Variants in DNAJC15 observed in about 807,000 individuals in gnomAD.
The protein encoded by DNAJC15 is dnaJ homolog subfamily C member 15.
A neutral mutation model predicts 22.4 loss-of-function variants in DNAJC15; 27 were observed. The ratio of observed to expected loss-of-function variants is 1.20; its 90% CI spans 0.89 to 1.66. The LOEUF (loss-of-function observed/expected upper bound fraction) is 1.66, where lower values mean the gene tolerates loss of function less well. Ranked by LOEUF, DNAJC15 falls within the 40% of genes most tolerant of loss-of-function variation. The pLI, the probability that DNAJC15 is intolerant of heterozygous loss-of-function variation, is 0.00. For missense variants in DNAJC15, 208 were observed against 187.1 expected, an observed-to-expected ratio of 1.11 and a Z score of -0.65; for synonymous variants, 79 against 63.2, an observed-to-expected ratio of 1.25 and a Z score of -1.19.
At chr13:43,038,690 G>C (rs1207033874) in intron 1 of DNAJC15, among the ~76,000 whole-genome samples, 1 of 151,862 alleles carries the variant, frequency 6.6e-6, no homozygotes, top group Non-Finnish European at 1.5e-5. Context: ...TACTCGGGAA[G>C]CTGAGGCAGG....
intron 1 of DNAJC15, among the ~76,000 whole-genome samples, chr13:43,051,740 C>T (rs1566204616): frequency 6.6e-6 from 1 of 151,900 alleles, no homozygotes; most frequent in Non-Finnish European, 1.5e-5. Flanking sequence ...GTGAATTGTG[C>T]TGCCATAAAC....
chr13:43,090,572 G>GA (rs920082574), intron 5 of DNAJC15, among the ~76,000 whole-genome samples: 5 of 151,970 alleles, frequency 3.3e-5, no homozygotes, highest in African/African-American at 7.3e-5. Context: ...CTCTATTCAT[G>GA]AAAAAAACTA....
intron 3 of DNAJC15, among the ~76,000 whole-genome samples, chr13:43,077,597 C>G (rs1454205363): frequency 6.6e-6 from 1 of 152,140 alleles, no homozygotes; most frequent in East Asian, 1.9e-4. Flanking sequence ...TCAGTAGATA[C>G]AGGCTGCCCT....
chr13:43,046,422 TC>T (rs1410895693), intron 1 of DNAJC15, among the ~76,000 whole-genome samples: 2 of 152,004 alleles, frequency 1.3e-5, no homozygotes, highest in African/African-American at 4.8e-5. Context: ...TAGTTGGACT[TC>T]CTAGGCCGAC....
chr13:43,028,869 G>A (rs1298587862), intron 1 of DNAJC15, among the ~76,000 whole-genome samples: 1 of 152,082 alleles, frequency 6.6e-6, no homozygotes, highest in African/African-American at 2.4e-5. Flanking sequence ...TCCTTAGGAA[G>A]TTGCACAAGT....
In DNAJC15 at chr13:43,068,833, T is replaced by C. The variant is rs543514277; in HGVS notation, c.161-97T>C. The C allele has an allele frequency of 6.2e-5, 63 of 1,014,512 alleles. No individual in the cohort carries two copies. In the African/African-American group the frequency reaches 9.2e-4, roughly 15 times the overall value. 62.8% of individuals were successfully genotyped at this position (1,014,512 alleles called of 1,614,324 possible). On this transcript the variant is annotated intron_variant, in intron 2 of 5. Coordinates refer to ENST00000379221, the MANE Select transcript of DNAJC15 (RefSeq NM_013238.3). ...TTGAAATACTTATTGCAATAACATA[T>C]ATAAACTATCAATAAATACTGTTGC...
chr13:43,042,012 A>G (rs1338979238), intron 1 of DNAJC15, among the ~76,000 whole-genome samples: 1 of 152,246 alleles, frequency 6.6e-6, no homozygotes, highest in East Asian at 1.9e-4. Flanking sequence ...GATTTCTTTA[A>G]TGGTTGGATG....
chr13:43,091,527 ATCT>A (rs1201318929), intron 5 of DNAJC15, among the ~76,000 whole-genome samples: 7 of 152,168 alleles, frequency 4.6e-5, no homozygotes, highest in Non-Finnish European at 7.3e-5. Context: ...GGTTCATAAT[ATCT>A]TCTTATTACC....
Position 43,023,644 on chromosome 13 carries a change from C to T in DNAJC15, c.18C>T (p.Val6=), listed in dbSNP as rs768338703. The T allele has an allele frequency of 4.3e-6, 7 of 1,611,926 alleles. No individual in the cohort carries two copies. The South Asian group carries it at 5.5e-5, about 13-fold the overall frequency. The change falls in exon 1 of 6, where the codon GTC becomes GTT. Residue 6 remains valine, a synonymous_variant. Coordinates refer to ENST00000379221, the MANE Select transcript of DNAJC15 (RefSeq NM_013238.3). MAARG[V]IAPVGESLRY... ...GCCTTGCCATGGCTGCCCGTGGTGT[C>T]ATCGCTCCAGTTGGCGAGAGTTTGC... is the stretch of plus-strand genomic sequence containing the variant.
intron 1 of DNAJC15, among the ~76,000 whole-genome samples, chr13:43,041,654 C>T (rs1384405755): frequency 6.6e-6 from 1 of 152,190 alleles, no homozygotes; most frequent in South Asian, 2.1e-4. Context: ...CTCACATTTC[C>T]CTCCTTGGCC....
At chr13:43,045,042 G>GT (rs71099820) in intron 1 of DNAJC15, among the ~76,000 whole-genome samples, 31,720 of 152,020 alleles carry the variant, frequency 0.21, 4,332 homozygotes, top group Non-Finnish European at 0.3. Context: ...TAGTCTTTAT[G>GT]TTGACCATAT....
intron 3 of DNAJC15, among the ~76,000 whole-genome samples, chr13:43,075,404 CT>C (rs1443996833): frequency 1.3e-5 from 2 of 152,182 alleles, no homozygotes; most frequent in Middle Eastern, 3.4e-3. Flanking sequence ...ATAAATTTAT[CT>C]TTTTTATTAT....
intron 1 of DNAJC15, among the ~76,000 whole-genome samples, chr13:43,041,766 T>C (rs2040455278): frequency 6.6e-6 from 1 of 152,252 alleles, no homozygotes; most frequent in Non-Finnish European, 1.5e-5. Context: ...TCTGTTTTAC[T>C]GTCTCTCCAT....
At chr13:43,037,859 C>T (rs2040435822) in intron 1 of DNAJC15, among the ~76,000 whole-genome samples, 1 of 152,140 alleles carries the variant, frequency 6.6e-6, no homozygotes. Flanking sequence ...AGTAAGGAGC[C>T]AAAACTCAAA....
chr13:43,109,044 T>A lies in DNAJC15; in HGVS notation c.*1796T>A, dbSNP rs538407938. 6 of 152,322 alleles carry A rather than the reference T, an allele frequency of 3.9e-5. No homozygotes were observed. Among genetic ancestry groups the A allele is most frequent in the Admixed American group, 3.9e-4 (6 of 15,304 alleles). 9.4% of individuals were successfully genotyped at this position (152,322 alleles called of 1,614,324 possible). A position where few individuals can be genotyped will look rare whatever the true frequency, so the allele number is the denominator to read the frequency against. On this transcript the variant is annotated 3_prime_UTR_variant, in exon 6 of 6. Transcript: ENST00000379221. ...GGCATAGCTGAAGGCCAAGCTAAAA[T>A]GTATCCCTCTTTTTCTGGTACATGC...
intron 5 of DNAJC15, among the ~76,000 whole-genome samples, chr13:43,094,764 TAGC>T (rs1488491876): frequency 6.6e-6 from 1 of 152,212 alleles, no homozygotes; most frequent in Non-Finnish European, 1.5e-5. Context: ...ATTTTTGTCT[TAGC>T]AGCTTGTGAG....
chr13:43,044,411 G>A (rs937790798), intron 1 of DNAJC15, among the ~76,000 whole-genome samples: 1 of 152,022 alleles, frequency 6.6e-6, no homozygotes, highest in African/African-American at 2.4e-5. Flanking sequence ...TACTCGTCAC[G>A]GCATATTGTT....
chr13:43,084,550 A>G (rs1412620821), intron 4 of DNAJC15, among the ~76,000 whole-genome samples: 1 of 152,248 alleles, frequency 6.6e-6, no homozygotes, highest in African/African-American at 2.4e-5. Flanking sequence ...GAGCTTTACA[A>G]TAATTACACT....
At chr13:43,074,749 C>T (rs1232087325) in intron 3 of DNAJC15, among the ~76,000 whole-genome samples, 1 of 151,990 alleles carries the variant, frequency 6.6e-6, no homozygotes, top group Admixed American at 6.5e-5. Flanking sequence ...TATATAAGAC[C>T]TAAATTTTCT....
Sources: gnomAD v4.1 joint callset for allele counts (sites outside exome capture counted in the v4.1 genomes callset) on GRCh38, gnomAD v4.1.1 for gene constraint, MANE v1.5 for transcripts, NCBI Gene and HGNC (gene_info 2026-07-23, HGNC 2026-07-21) for gene names.